Variants in AGBL4 observed in about 807,000 individuals in gnomAD.
AGBL4 encodes the protein cytosolic carboxypeptidase 6.
A neutral mutation model predicts 66.4 loss-of-function variants in AGBL4; 58 were observed. The ratio of observed to expected loss-of-function variants is 0.87; its 90% confidence interval spans 0.71 to 1.09. AGBL4 has a LOEUF of 1.09. Ranked by LOEUF, AGBL4 falls within the 50% of genes least tolerant of loss-of-function variation. The probability of loss-of-function intolerance (pLI) is 0.00; values close to 1 mark genes in which losing one functional copy is unlikely to be tolerated. For missense variants in AGBL4, 579 were observed against 631.0 expected (o/e 0.92, Z 0.88); for synonymous variants, 234 against 222.9 (o/e 1.05, Z -0.44).
intron 4 of AGBL4, among the ~76,000 whole-genome samples, chr1:49,065,955 GGTTACAATCCT>G (rs1166706518): frequency 6.6e-6 from 1 of 152,116 alleles, no homozygotes; most frequent in Non-Finnish European, 1.5e-5. Context: ...ACAGTAGGGT[GGTTACAATCCT>G]TCTCCTTAAG....
intron 3 of AGBL4, among the ~76,000 whole-genome samples, chr1:49,391,233 G>T (rs369409618): frequency 6.6e-6 from 1 of 152,172 alleles, no homozygotes; most frequent in South Asian, 2.1e-4. Context: ...AGAGGGCCTT[G>T]TAAGTCAGGA....
At chr1:49,230,594 T>G (rs529975257) in intron 4 of AGBL4, among the ~76,000 whole-genome samples, 38 of 152,216 alleles carry the variant, frequency 2.5e-4, no homozygotes, top group Non-Finnish European at 5.0e-4. Context: ...TCACTCTTTT[T>G]AAATCTATCT....
At chr1:48,933,478 C>A (rs1047506808) in intron 5 of AGBL4, among the ~76,000 whole-genome samples, 2 of 152,118 alleles carry the variant, frequency 1.3e-5, no homozygotes, top group Non-Finnish European at 2.9e-5. Flanking sequence ...AGCTTTTATT[C>A]ATCAGACATG....
At chr1:48,905,678 C>T (rs544232886) in intron 5 of AGBL4, among the ~76,000 whole-genome samples, 1 of 152,298 alleles carries the variant, frequency 6.6e-6, no homozygotes, top group South Asian at 2.1e-4. Context: ...AATTTGCCTA[C>T]ACTGACTCTA....
chr1:48,622,521 T>TGCAATGG (rs1393883469), intron 9 of AGBL4, among the ~76,000 whole-genome samples: 2 of 136,866 alleles, frequency 1.5e-5, no homozygotes, highest in African/African-American at 2.7e-5. Context: ...TCTTGCTCTG[T>TGCAATGG]CACCCAGGCT....
At chr1:49,926,719 G>A (rs968575459) in intron 1 of AGBL4, among the ~76,000 whole-genome samples, 1 of 152,108 alleles carries the variant, frequency 6.6e-6, no homozygotes, top group African/African-American at 2.4e-5. Flanking sequence ...AAAGAGTCAA[G>A]CAGAAATCAT....
intron 5 of AGBL4, among the ~76,000 whole-genome samples, chr1:48,884,574 G>A (rs994175577): frequency 5.3e-5 from 8 of 152,094 alleles, no homozygotes; most frequent in Non-Finnish European, 1.2e-4. Flanking sequence ...AGTGACAATT[G>A]TCCATTGCTT....
At chr1:48,940,915 A>C (rs1655914046) in intron 5 of AGBL4, among the ~76,000 whole-genome samples, 2 of 152,224 alleles carry the variant, frequency 1.3e-5, no homozygotes, top group Admixed American at 6.5e-5. Flanking sequence ...ACCAAAACTT[A>C]ACATTTGAAC....
intron 2 of AGBL4, among the ~76,000 whole-genome samples, chr1:49,784,033 G>C (rs890622224): frequency 2.0e-5 from 3 of 152,040 alleles, no homozygotes; most frequent in Non-Finnish European, 4.4e-5. Context: ...CATGGTCATA[G>C]ATCAAAAGTC....
chr1:49,520,544 A>G (rs905587916), intron 3 of AGBL4, among the ~76,000 whole-genome samples: 1 of 152,028 alleles, frequency 6.6e-6, no homozygotes, highest in Non-Finnish European at 1.5e-5. Context: ...TTCTATCTCT[A>G]CTTTACCCTG....
chr1:48,720,187 A>G (rs1277125192), intron 6 of AGBL4, among the ~76,000 whole-genome samples: 1 of 152,174 alleles, frequency 6.6e-6, no homozygotes, highest in Non-Finnish European at 1.5e-5. Context: ...TCCCTACCTT[A>G]AAGGGCTTAG....
chr1:49,190,212 A>G (rs560907766), intron 4 of AGBL4, among the ~76,000 whole-genome samples: 89 of 152,336 alleles, frequency 5.8e-4, no homozygotes, highest in Non-Finnish European at 1.0e-3. Context: ...AAAGCCGCAC[A>G]CAAAGTTTCT....
chr1:49,472,917 G>A (rs1211126032), intron 3 of AGBL4, among the ~76,000 whole-genome samples: 4 of 151,984 alleles, frequency 2.6e-5, no homozygotes, highest in Non-Finnish European at 5.9e-5. Context: ...AGAACATATG[G>A]TATTTGGTTT....
At chr1:49,419,171 T>A (rs1004872495) in intron 3 of AGBL4, among the ~76,000 whole-genome samples, 19 of 152,172 alleles carry the variant, frequency 1.2e-4, no homozygotes, top group African/African-American at 4.1e-4. Flanking sequence ...ATTTTACATA[T>A]TAAGTGTTCT....
intron 3 of AGBL4, among the ~76,000 whole-genome samples, chr1:49,327,013 G>C (rs1360346086): frequency 6.6e-6 from 1 of 152,014 alleles, no homozygotes; most frequent in Non-Finnish European, 1.5e-5. Flanking sequence ...TATCTTTAAG[G>C]TCATCAGCAG....
chr1:49,569,935 T>C (rs1454168099), intron 3 of AGBL4, among the ~76,000 whole-genome samples: 1 of 152,194 alleles, frequency 6.6e-6, no homozygotes, highest in African/African-American at 2.4e-5. Context: ...TATGGCTGAA[T>C]AGTATTCCAC....
intron 1 of AGBL4, among the ~76,000 whole-genome samples, chr1:50,019,669 A>G (rs563901836): frequency 1.3e-5 from 2 of 152,222 alleles, no homozygotes; most frequent in South Asian, 4.1e-4. Context: ...TGCATCATTT[A>G]AAAAAATGTT....
At chr1:48,946,945 G>A (rs932715455) in intron 5 of AGBL4, among the ~76,000 whole-genome samples, 4 of 152,188 alleles carry the variant, frequency 2.6e-5, no homozygotes, top group Admixed American at 1.3e-4. Flanking sequence ...CACACCTGAG[G>A]TACCTGGAAA....
intron 3 of AGBL4, among the ~76,000 whole-genome samples, chr1:49,379,521 T>C (rs1447138997): frequency 6.6e-6 from 1 of 152,172 alleles, no homozygotes; most frequent in Non-Finnish European, 1.5e-5. Flanking sequence ...GGGTTTGTCA[T>C]AGATAGCTCT....
Sources: gnomAD v4.1 joint callset for allele counts (sites outside exome capture counted in the v4.1 genomes callset) on GRCh38, gnomAD v4.1.1 for gene constraint, MANE v1.5 for transcripts, NCBI Gene and HGNC (gene_info 2026-07-23, HGNC 2026-07-21) for gene names.